KCNIP4: variants seen among roughly 807,000 people sequenced by gnomAD.
KCNIP4 encodes Kv channel-interacting protein 4.
In KCNIP4, 12 loss-of-function variants were observed where a neutral mutation model predicts 34.0. The ratio of observed to expected loss-of-function variants is 0.35; its 90% CI spans 0.23 to 0.57. The LOEUF is 0.57. Ranked by LOEUF, KCNIP4 falls within the 20% of genes least tolerant of loss-of-function variation. KCNIP4 has a pLI of 0.83. For synonymous variants in KCNIP4, 124 were observed against 102.2 expected (o/e 1.21, Z -1.29); for missense variants, 238 against 311.7 (o/e 0.76, Z 1.78).
intron 1 of KCNIP4, among the ~76,000 whole-genome samples, chr4:21,368,307 T>G (rs1324127661): frequency 6.8e-6 from 1 of 146,782 alleles, no homozygotes; most frequent in Non-Finnish European, 1.5e-5. Context: ...CACATAAAAA[T>G]AAAGTTCAAA....
intron 1 of KCNIP4, among the ~76,000 whole-genome samples, chr4:21,318,677 C>T (rs1011623462): frequency 6.6e-6 from 1 of 151,830 alleles, no homozygotes; most frequent in Admixed American, 6.6e-5. Context: ...TTTTGCAGTG[C>T]TTTTTGATAT....
intron 1 of KCNIP4, among the ~76,000 whole-genome samples, chr4:21,906,700 A>G (rs183887366): frequency 6.6e-6 from 1 of 152,270 alleles, no homozygotes; most frequent in Non-Finnish European, 1.5e-5. Flanking sequence ...CAATTAATGC[A>G]TGTATCTACT....
At chr4:21,579,084 T>TG (rs1560532157) in intron 1 of KCNIP4, among the ~76,000 whole-genome samples, 1 of 152,170 alleles carries the variant, frequency 6.6e-6, no homozygotes, top group African/African-American at 2.4e-5. Context: ...TCAACTGATT[T>TG]AAGACTGCTT....
At chr4:21,370,846 T>TACAC (rs1720337803) in intron 1 of KCNIP4, among the ~76,000 whole-genome samples, 2 of 24,502 alleles carry the variant, frequency 8.2e-5, no homozygotes, top group African/African-American at 2.7e-4. Context: ...TATATATATA[T>TACAC]ATATACACAC....
chr4:20,876,415 T>A (rs1431588484), intron 2 of KCNIP4, among the ~76,000 whole-genome samples: 1 of 152,182 alleles, frequency 6.6e-6, no homozygotes, highest in Non-Finnish European at 1.5e-5. Context: ...AAAAAAGTGT[T>A]TGTGCTTACA....
rs368323011 is a variant in KCNIP4 at position 20,901,897 on chromosome 4, GA to G, written c.62-19189del. 6.0e-3 allele frequency among the ~76,000 whole-genome samples: 863 copies of G among 143,122 alleles called. 5 individuals carry two copies. The highest frequency in any genetic ancestry group is 0.013 in the African/African-American group (494 of 39,094). The allele number at this position is 143,122 out of a possible 152,430, so 93.9% of individuals were successfully genotyped here. A position where few individuals can be genotyped will look rare whatever the true frequency, so the allele number is the denominator to read the frequency against. ...CCAGCTGTCTATCTTTCCAAGAAAG[GA>G]AAAAAAAAAACACAACCTTTTAAAG... On this transcript the variant is annotated intron_variant, in intron 1 of 8. Coordinates refer to ENST00000382152, the MANE Select transcript of KCNIP4 (RefSeq NM_025221.6).
At chr4:21,554,322 G>A (rs181217784) in intron 1 of KCNIP4, among the ~76,000 whole-genome samples, 1 of 152,202 alleles carries the variant, frequency 6.6e-6, no homozygotes, top group Non-Finnish European at 1.5e-5. Context: ...AAGAGAGCAG[G>A]GGGCTGTGCT....
At chr4:21,097,030 C>T (rs1239088168) in intron 1 of KCNIP4, among the ~76,000 whole-genome samples, 2 of 152,232 alleles carry the variant, frequency 1.3e-5, no homozygotes, top group South Asian at 4.1e-4. Flanking sequence ...AAACAAATAG[C>T]ACATTTTAAA....
intron 1 of KCNIP4, among the ~76,000 whole-genome samples, chr4:20,989,995 G>A (rs1181982580): frequency 1.3e-5 from 2 of 152,100 alleles, no homozygotes; most frequent in African/African-American, 2.4e-5. Context: ...CAGCATTCAC[G>A]ACAGTGGTAA....
At chr4:21,684,385 T>C (rs1219791386) in intron 1 of KCNIP4, among the ~76,000 whole-genome samples, 2 of 152,164 alleles carry the variant, frequency 1.3e-5, no homozygotes, top group African/African-American at 4.8e-5. Flanking sequence ...CTTCTCTACA[T>C]CTTATTTCAC....
intron 4 of KCNIP4, among the ~76,000 whole-genome samples, chr4:20,753,098 T>G (rs1753925975): frequency 1.3e-5 from 2 of 152,168 alleles, no homozygotes; most frequent in African/African-American, 4.8e-5. Context: ...ATGTTGAGAT[T>G]TTATAGTTGA....
At chr4:21,083,300 C>T (rs1254620534) in intron 1 of KCNIP4, among the ~76,000 whole-genome samples, 1 of 151,678 alleles carries the variant, frequency 6.6e-6, no homozygotes, top group Non-Finnish European at 1.5e-5. Context: ...CCTTCCCCCT[C>T]CTCAGAAAAT....
intron 1 of KCNIP4, among the ~76,000 whole-genome samples, chr4:21,774,676 A>T (rs995105969): frequency 1.3e-5 from 2 of 152,036 alleles, no homozygotes; most frequent in Non-Finnish European, 2.9e-5. Context: ...AAGAATGCAT[A>T]TCTTATTTCA....
chr4:21,781,103 C>T (rs528876308), intron 1 of KCNIP4, among the ~76,000 whole-genome samples: 1 of 152,196 alleles, frequency 6.6e-6, no homozygotes. Context: ...AATCTCATCT[C>T]GAATTATAAT....
chr4:21,624,223 A>G (rs577928065), intron 1 of KCNIP4, among the ~76,000 whole-genome samples: 2 of 152,306 alleles, frequency 1.3e-5, no homozygotes, highest in East Asian at 1.9e-4. Context: ...TAATATATAT[A>G]TAAGAAGAGT....
chr4:21,643,124 TTTG>T (rs1185438536), intron 1 of KCNIP4, among the ~76,000 whole-genome samples: 1 of 152,330 alleles, frequency 6.6e-6, no homozygotes, highest in East Asian at 1.9e-4. Flanking sequence ...TGTATTTTTC[TTTG>T]TTATTTTGTT....
At chr4:21,265,553 GA>G (rs1224206786) in intron 1 of KCNIP4, among the ~76,000 whole-genome samples, 1 of 152,134 alleles carries the variant, frequency 6.6e-6, no homozygotes, top group Non-Finnish European at 1.5e-5. Flanking sequence ...CTTAAATAAT[GA>G]ACTATCACTG....
In KCNIP4 at chr4:21,532,745, A is replaced by T. The variant is rs116864898; in HGVS notation, c.61+415826T>A. 1.2e-3 allele frequency among the ~76,000 whole-genome samples: 181 copies of T among 152,216 alleles called. 2 individuals are homozygous for T. In the East Asian group the frequency reaches 0.034, roughly 29 times the overall value. On this transcript the variant is annotated intron_variant, in intron 1 of 8. Transcript: ENST00000382152. ...GCCTTTAGGTTTTTATTATTTTCCC[A>T]GTGGCTGATGGGCAGGCAGCAGTGT...
intron 1 of KCNIP4, among the ~76,000 whole-genome samples, chr4:21,227,535 C>G (rs75736421): frequency 6.6e-6 from 1 of 152,250 alleles, no homozygotes; most frequent in East Asian, 1.9e-4. Flanking sequence ...CTTCATGGCT[C>G]TTCTCTCTTT....
Sources: gnomAD v4.1 joint callset for allele counts (sites outside exome capture counted in the v4.1 genomes callset) on GRCh38, gnomAD v4.1.1 for gene constraint, MANE v1.5 for transcripts, NCBI Gene and HGNC (gene_info 2026-07-23, HGNC 2026-07-21) for gene names.